FSIP1: variants seen among roughly 807,000 people sequenced by gnomAD.
The protein encoded by FSIP1 is fibrous sheath-interacting protein 1.
FSIP1 carries 65 observed loss-of-function variants against 60.9 expected under a neutral mutation model. The ratio of observed to expected loss-of-function variants is 1.07; its 90% CI spans 0.87 to 1.31. The LOEUF (loss-of-function observed/expected upper bound fraction) is 1.31. Ranked by LOEUF, FSIP1 falls within the 40% of genes most tolerant of loss-of-function variation. The pLI is 0.00. For synonymous variants in FSIP1, 209 were observed against 221.2 expected (o/e 0.94, Z 0.49); for missense variants, 675 against 665.5 (o/e 1.01, Z -0.16).
intron 10 of FSIP1, among the ~76,000 whole-genome samples, chr15:39,644,886 C>A (rs972385645): frequency 2.0e-5 from 3 of 152,216 alleles, no homozygotes; most frequent in African/African-American, 7.2e-5. Context: ...AAAATGGTAT[C>A]ATTCCATTTC....
chr15:39,760,824 G>A (rs902946258), intron 5 of FSIP1, among the ~76,000 whole-genome samples: 1 of 152,138 alleles, frequency 6.6e-6, no homozygotes, highest in Admixed American at 6.5e-5. Context: ...TCTGAGTTTT[G>A]ATCACTATGG....
At chr15:39,684,576 A>G (rs375149096) in intron 10 of FSIP1, among the ~76,000 whole-genome samples, 23 of 152,304 alleles carry the variant, frequency 1.5e-4, no homozygotes, top group African/African-American at 5.3e-4. Context: ...CAAATAGAGA[A>G]AGCTGCTTTA....
At chr15:39,743,025 G>T (rs1186368372) in intron 5 of FSIP1, among the ~76,000 whole-genome samples, 1 of 152,074 alleles carries the variant, frequency 6.6e-6, no homozygotes, top group East Asian at 1.9e-4. Context: ...TTAAAAGTAG[G>T]CTCAGCAAGT....
chr15:39,706,314 A>G (rs759423968), intron 10 of FSIP1, among the ~76,000 whole-genome samples: 1 of 152,210 alleles, frequency 6.6e-6, no homozygotes, highest in Non-Finnish European at 1.5e-5. Context: ...ACAGCTACCA[A>G]TAATGTCCAA....
At chr15:39,770,380 T>C in intron 3 of FSIP1, 47 bp downstream of exon 3, 1 of 1,334,762 alleles carries the variant, frequency 7.5e-7, no homozygotes, top group South Asian at 1.6e-5. Flanking sequence ...GTAATAATCA[T>C]TAACATTTGT....
chr15:39,699,991 G>A (rs568766452), intron 10 of FSIP1, among the ~76,000 whole-genome samples: 3 of 152,202 alleles, frequency 2.0e-5, no homozygotes, highest in Non-Finnish European at 4.4e-5. Context: ...CACTCACTAC[G>A]TGATTCACTC....
intron 10 of FSIP1, among the ~76,000 whole-genome samples, chr15:39,679,542 C>T (rs1015268334): frequency 5.3e-5 from 8 of 152,102 alleles, no homozygotes; most frequent in African/African-American, 1.9e-4. Context: ...CTTGAGGTTA[C>T]AGTGAGCTAT....
At chr15:39,719,334 GC>G (rs1415390421) in intron 9 of FSIP1, among the ~76,000 whole-genome samples, 5 of 152,140 alleles carry the variant, frequency 3.3e-5, no homozygotes, top group African/African-American at 1.2e-4. Flanking sequence ...ATACAGGAAT[GC>G]CTTCATGGAG....
At chr15:39,725,842 C>T (rs994181862) in intron 9 of FSIP1, among the ~76,000 whole-genome samples, 4 of 150,634 alleles carry the variant, frequency 2.7e-5, no homozygotes, top group African/African-American at 9.8e-5. Flanking sequence ...TGGAGTGCAG[C>T]GGCACTATAT....
chr15:39,656,105 A>G (rs1365622159), intron 10 of FSIP1, among the ~76,000 whole-genome samples: 3 of 152,088 alleles, frequency 2.0e-5, no homozygotes, highest in Non-Finnish European at 4.4e-5. Context: ...TTTGAACCCT[A>G]AAAAGATGTT....
chr15:39,772,755 T>G (rs771481583), intron 2 of FSIP1, among the ~76,000 whole-genome samples: 17 of 151,944 alleles, frequency 1.1e-4, no homozygotes, highest in Non-Finnish European at 2.1e-4. Context: ...CACACCCAGC[T>G]AATTTTTGTA....
chr15:39,682,247 T>C (rs755276861), intron 10 of FSIP1, among the ~76,000 whole-genome samples: 1 of 152,154 alleles, frequency 6.6e-6, no homozygotes, highest in Non-Finnish European at 1.5e-5. Flanking sequence ...AACACTAAAA[T>C]CATTATGGTC....
At chr15:39,660,829 G>A (rs907541736) in intron 10 of FSIP1, among the ~76,000 whole-genome samples, 14 of 152,210 alleles carry the variant, frequency 9.2e-5, no homozygotes, top group Non-Finnish European at 1.9e-4. Flanking sequence ...TTGGGAGGTT[G>A]AGGCAGGTGG....
intron 4 of FSIP1, 102 bp from the exon 5 acceptor site, chr15:39,764,016 G>C: frequency 6.1e-6 from 4 of 655,762 alleles, no homozygotes; most frequent in Non-Finnish European, 1.1e-5. Flanking sequence ...ACGTACAAAC[G>C]AGAAGTCTCA....
intron 10 of FSIP1, among the ~76,000 whole-genome samples, chr15:39,673,534 T>A (rs536334956): frequency 1.3e-5 from 2 of 152,250 alleles, no homozygotes; most frequent in South Asian, 4.1e-4. Context: ...TAGCCTTGTC[T>A]CAGACTCCCG....
chr15:39,622,025 C>G (rs917472841), intron 10 of FSIP1, among the ~76,000 whole-genome samples: 1 of 152,144 alleles, frequency 6.6e-6, no homozygotes, highest in African/African-American at 2.4e-5. Context: ...AACTAGGGCT[C>G]CATCACAAAC....
rs560347922 is a variant in FSIP1, at chr15:39,763,858, T to G, written c.522A>C (p.Lys174Asn). ...CAGAAACAGCAGTCAAAGATAAAAA[T>G]TTTTTTGTATTTTCCATCTCCTCTT... ...QSKEEMENTK[K>N]FLSLTAVSEE... is the part of the protein sequence containing the mutation. Residue 174 changes from lysine (K) to asparagine (N), a missense_variant, in exon 5 of 12, where the codon AAA becomes AAC. By Grantham distance (94) the Lys-to-Asn change is moderately conservative (BLOSUM62 0). Transcript: ENST00000350221. 1 of 1,594,842 alleles carries G rather than the reference T, an allele frequency of 6.3e-7. No homozygotes were observed. The highest frequency in any genetic ancestry group is 8.6e-7 in the Non-Finnish European group (1 of 1,163,578).
intron 9 of FSIP1, among the ~76,000 whole-genome samples, chr15:39,715,889 T>C (rs1021945852): frequency 1.3e-5 from 2 of 152,282 alleles, no homozygotes; most frequent in Admixed American, 6.5e-5. Context: ...GCTCTGGCCA[T>C]GTAAGAAGTG....
In FSIP1 at chr15:39,695,965, G is replaced by A. The variant is rs144937091; in HGVS notation, c.1188+17479C>T. 2.1e-3 allele frequency among the ~76,000 whole-genome samples: 324 copies of A among 152,296 alleles called. 3 individuals carry two copies. The highest frequency in any genetic ancestry group is 7.3e-3 in the African/African-American group (303 of 41,556). On this transcript the variant is annotated intron_variant, in intron 10 of 11. Transcript: ENST00000350221. Reference sequence around the variant, plus strand: ...GCAAACTTCAAAGGTAGTAGCAGGCGCTTTCGCAAGAACATAATTAGATGG... The same window carrying A: ...GCAAACTTCAAAGGTAGTAGCAGGCACTTTCGCAAGAACATAATTAGATGG...
Sources: allele counts gnomAD v4.1 joint callset (sites outside exome capture counted in the v4.1 genomes callset), GRCh38; gene constraint gnomAD v4.1.1; transcripts MANE v1.5; gene names NCBI Gene and HGNC (gene_info 2026-07-23, HGNC 2026-07-21).